CACNA2D3: variants seen among roughly 807,000 people sequenced by gnomAD.
The protein encoded by CACNA2D3 is voltage-dependent calcium channel subunit alpha-2/delta-3.
CACNA2D3 carries 60 observed loss-of-function variants against 160.6 expected under a neutral mutation model. The ratio of observed to expected loss-of-function variants is 0.37; its 90% CI spans 0.30 to 0.46. The LOEUF (loss-of-function observed/expected upper bound fraction) is 0.46, where lower values mean the gene tolerates loss of function less well. CACNA2D3 is among the 20% of genes least tolerant of loss of function. The pLI, the probability that CACNA2D3 is intolerant of heterozygous loss-of-function variation, is 1.00. For missense variants in CACNA2D3, 1,205 were observed against 1,365.0 expected (o/e 0.88, Z 1.85); for synonymous variants, 558 against 492.9 (o/e 1.13, Z -1.75).
chr3:55,045,480 C>T (rs1704057359), intron 35 of CACNA2D3, among the ~76,000 whole-genome samples: 1 of 152,190 alleles, frequency 6.6e-6, no homozygotes, highest in Non-Finnish European at 1.5e-5. Flanking sequence ...TGTACTACTT[C>T]TCCCTTAAAT....
chr3:54,888,113 G>C, intron 24 of CACNA2D3, 61 bp downstream of exon 24: 6 of 1,282,796 alleles, frequency 4.7e-6, no homozygotes, highest in Non-Finnish European at 2.3e-6. Flanking sequence ...CCGAAATATG[G>C]TTATGGTTTA....
chr3:54,189,335 G>T (rs1013188674), intron 2 of CACNA2D3, among the ~76,000 whole-genome samples: 1 of 152,126 alleles, frequency 6.6e-6, no homozygotes, highest in Non-Finnish European at 1.5e-5. Flanking sequence ...ACTGTGAAAG[G>T]GCTTGGGTGT....
At chr3:54,175,047 T>A (rs1204974276) in intron 2 of CACNA2D3, among the ~76,000 whole-genome samples, 1 of 152,216 alleles carries the variant, frequency 6.6e-6, no homozygotes, top group African/African-American at 2.4e-5. Context: ...GTTGGATTTG[T>A]ACCTATCCCC....
intron 11 of CACNA2D3, among the ~76,000 whole-genome samples, chr3:54,698,291 T>C (rs1478551425): frequency 3.3e-5 from 5 of 152,160 alleles, no homozygotes; most frequent in African/African-American, 7.2e-5. Context: ...GGTTAACTTA[T>C]TGACACACAG....
intron 35 of CACNA2D3, among the ~76,000 whole-genome samples, chr3:55,036,876 C>G (rs1039887765): frequency 6.6e-6 from 1 of 152,074 alleles, no homozygotes; most frequent in East Asian, 1.9e-4. Flanking sequence ...GCAGTAGTTC[C>G]TAAACACATG....
chr3:54,342,927 G>A (rs1323103892), intron 3 of CACNA2D3, among the ~76,000 whole-genome samples: 9 of 152,098 alleles, frequency 5.9e-5, no homozygotes, highest in East Asian at 1.9e-4. Flanking sequence ...CATGAGGCCC[G>A]GGGGGGCCCG....
At chr3:54,484,305 G>T (rs554913658) in intron 4 of CACNA2D3, among the ~76,000 whole-genome samples, 1 of 151,890 alleles carries the variant, frequency 6.6e-6, no homozygotes, top group Admixed American at 6.5e-5. Context: ...CCCCCTCCCC[G>T]CGGACTGTAT....
At chr3:54,800,797 T>C (rs1702967677) in intron 13 of CACNA2D3, among the ~76,000 whole-genome samples, 1 of 152,180 alleles carries the variant, frequency 6.6e-6, no homozygotes, top group Non-Finnish European at 1.5e-5. Context: ...TGACCTTCAG[T>C]GACCAGTCCA....
chr3:54,167,808 G>C (rs1409585653), intron 2 of CACNA2D3, among the ~76,000 whole-genome samples: 1 of 152,232 alleles, frequency 6.6e-6, no homozygotes, highest in Non-Finnish European at 1.5e-5. Flanking sequence ...GAGGCTTTAA[G>C]TCTTGGGACA....
In CACNA2D3 at chr3:54,456,079, T is replaced by G. The variant is rs1700391824; in HGVS notation, c.382-47413T>G. Among the ~76,000 whole-genome samples, 4 of 152,182 alleles carry G rather than the reference T, an allele frequency of 2.6e-5. No individual in the cohort carries two copies. In the South Asian group the frequency reaches 8.3e-4, roughly 32 times the overall value. On this transcript the variant is annotated intron_variant, in intron 4 of 37. Coordinates refer to ENST00000474759, the MANE Select transcript of CACNA2D3 (RefSeq NM_018398.3). ...AATTTTAGGATTTATTTTCTGTTTC[T>G]GTGAAGAATGTCATTAGTATTTTGA...
intron 27 of CACNA2D3, among the ~76,000 whole-genome samples, chr3:54,938,822 T>C (rs1184113644): frequency 1.3e-5 from 2 of 152,160 alleles, no homozygotes; most frequent in African/African-American, 4.8e-5. Context: ...GCGCTAGAAA[T>C]ATGATTCTAG....
chr3:54,558,055 G>A (rs1295101995), intron 5 of CACNA2D3, among the ~76,000 whole-genome samples: 1 of 152,220 alleles, frequency 6.6e-6, no homozygotes, highest in East Asian at 1.9e-4. Context: ...CTGGAAAGGT[G>A]TAGACAGCTG....
chr3:54,170,057 G>GC (rs1700535033), intron 2 of CACNA2D3, among the ~76,000 whole-genome samples: 1 of 151,902 alleles, frequency 6.6e-6, no homozygotes. Context: ...GCGTGGTGGT[G>GC]GGCATCTGTA....
chr3:54,296,456 G>A (rs1703345031), intron 2 of CACNA2D3, among the ~76,000 whole-genome samples: 1 of 152,210 alleles, frequency 6.6e-6, no homozygotes, highest in South Asian at 2.1e-4. Context: ...AGATGAATGA[G>A]TTTGGCCACA....
chr3:55,065,373 AC>A (rs139343649), intron 35 of CACNA2D3, among the ~76,000 whole-genome samples: 3,537 of 152,142 alleles, frequency 0.023, 131 homozygotes, highest in African/African-American at 0.077. Context: ...TGGAAATCCT[AC>A]CCCAACCCCC....
chr3:54,217,664 A>G (rs1701485533), intron 2 of CACNA2D3, among the ~76,000 whole-genome samples: 1 of 152,148 alleles, frequency 6.6e-6, no homozygotes, highest in South Asian at 2.1e-4. Flanking sequence ...GAATGCCAGC[A>G]GCCACCAGAA....
chr3:54,804,729 C>A (rs1575484710), intron 13 of CACNA2D3, among the ~76,000 whole-genome samples: 2 of 152,302 alleles, frequency 1.3e-5, no homozygotes, highest in African/African-American at 4.8e-5. Flanking sequence ...ACTCTCCACC[C>A]CAAATCCACA....
chr3:54,191,311 C>A (rs917044283), intron 2 of CACNA2D3, among the ~76,000 whole-genome samples: 4 of 152,100 alleles, frequency 2.6e-5, no homozygotes, highest in Admixed American at 2.6e-4. Flanking sequence ...GATGGCAGAT[C>A]ACATCAGATT....
chr3:54,976,076 CACACACACACACACACAT>C (rs1472893059), intron 29 of CACNA2D3, among the ~76,000 whole-genome samples: 9 of 151,590 alleles, frequency 5.9e-5, no homozygotes, highest in Admixed American at 5.9e-4. Flanking sequence ...CACACACACA[CACACACACACACACACAT>C]TATATAAAGG....
Sources: gnomAD v4.1 joint callset for allele counts (sites outside exome capture counted in the v4.1 genomes callset) on GRCh38, gnomAD v4.1.1 for gene constraint, MANE v1.5 for transcripts, NCBI Gene and HGNC (gene_info 2026-07-23, HGNC 2026-07-21) for gene names.